Variants in SLIT3 observed in about 807,000 individuals in gnomAD.
SLIT3 encodes the protein slit guidance ligand 3.
SLIT3 carries 68 observed loss-of-function variants against 184.0 expected under a neutral mutation model. That is an observed-to-expected ratio of 0.37 (90% CI 0.30 to 0.45). SLIT3 has a LOEUF of 0.45. SLIT3 is among the 20% of genes least tolerant of loss of function. The probability of loss-of-function intolerance (pLI) is 1.00; values close to 1 mark genes in which losing one functional copy is unlikely to be tolerated. For missense variants in SLIT3, 1,707 were observed against 2,026.0 expected, an observed-to-expected ratio of 0.84 and a Z score of 3.02; for synonymous variants, 831 against 828.6, an observed-to-expected ratio of 1.00 and a Z score of -0.05.
intron 4 of SLIT3, among the ~76,000 whole-genome samples, chr5:168,923,876 C>A (rs952733819): frequency 1.3e-5 from 2 of 152,246 alleles, no homozygotes; most frequent in South Asian, 2.1e-4. Context: ...AAACTATGGC[C>A]TGTGGGCCAA....
At chr5:168,850,878 C>T (rs1758643542) in intron 5 of SLIT3, among the ~76,000 whole-genome samples, 1 of 152,206 alleles carries the variant, frequency 6.6e-6, no homozygotes, top group African/African-American at 2.4e-5. Context: ...AGAGGCACAC[C>T]AGACCTTGGA....
At chr5:168,981,987 G>A (rs184701459) in intron 4 of SLIT3, among the ~76,000 whole-genome samples, 146 of 152,230 alleles carry the variant, frequency 9.6e-4, no homozygotes, top group African/African-American at 3.0e-3. Context: ...GCAATGTGAC[G>A]TTGCTGCATT....
chr5:168,785,284 G>A (rs998079671), intron 12 of SLIT3, among the ~76,000 whole-genome samples: 1 of 152,174 alleles, frequency 6.6e-6, no homozygotes, highest in Non-Finnish European at 1.5e-5. Context: ...CCACATCAGA[G>A]TTCAATTATC....
intron 4 of SLIT3, among the ~76,000 whole-genome samples, chr5:169,180,410 AGAG>A (rs1336092390): frequency 1.3e-5 from 2 of 152,194 alleles, no homozygotes; most frequent in South Asian, 2.1e-4. Flanking sequence ...ACTGGGGAAA[AGAG>A]GAGATCTGAT....
chr5:169,001,865 CT>C lies in SLIT3; in HGVS notation c.414-118530del, dbSNP rs1175183667. ...GTGGTAATTAACCAAAGTCTCCCTC[CT>C]TTTTTTTTCCCCTTGACATACAGAA... On this transcript the variant is annotated intron_variant, in intron 4 of 35. Transcript: ENST00000519560. Among the ~76,000 whole-genome samples, 8 of 151,586 alleles carry C rather than the reference CT, an allele frequency of 5.3e-5. No homozygotes were observed. In the East Asian group the frequency reaches 5.8e-4, roughly 11 times the overall value.
chr5:169,169,188 C>T (rs1281944919), intron 4 of SLIT3, among the ~76,000 whole-genome samples: 4 of 152,166 alleles, frequency 2.6e-5, no homozygotes, highest in African/African-American at 7.2e-5. Context: ...GAATGTGCTC[C>T]GTTCCCTGTC....
chr5:168,997,063 C>A (rs1000267738), intron 4 of SLIT3, among the ~76,000 whole-genome samples: 1 of 152,142 alleles, frequency 6.6e-6, no homozygotes, highest in East Asian at 1.9e-4. Context: ...GATCAACCGC[C>A]TCATTGATCA....
At chr5:169,145,996 A>G (rs1761911112) in intron 4 of SLIT3, among the ~76,000 whole-genome samples, 1 of 152,186 alleles carries the variant, frequency 6.6e-6, no homozygotes, top group Non-Finnish European at 1.5e-5. Context: ...GGCTGCAGTG[A>G]GCCGAGATCG....
At chr5:169,052,585 G>A (rs191708547) in intron 4 of SLIT3, among the ~76,000 whole-genome samples, 1 of 152,302 alleles carries the variant, frequency 6.6e-6, no homozygotes, top group African/African-American at 2.4e-5. Context: ...GAGGGAAGGA[G>A]AATGTCAAAA....
At chr5:169,172,863 T>C (rs1217833849) in intron 4 of SLIT3, among the ~76,000 whole-genome samples, 5 of 152,052 alleles carry the variant, frequency 3.3e-5, no homozygotes, top group Non-Finnish European at 5.9e-5. Context: ...GGAGTTGGAG[T>C]ATGGCTGATG....
chr5:169,090,610 C>G (rs1364154916), intron 4 of SLIT3, among the ~76,000 whole-genome samples: 1 of 152,180 alleles, frequency 6.6e-6, no homozygotes, highest in Non-Finnish European at 1.5e-5. Flanking sequence ...CTGAATATTA[C>G]CTTATATGAC....
chr5:168,703,944 C>CAAAA lies in SLIT3; in HGVS notation c.2845-3269_2845-3266dup, dbSNP rs70976498. On this transcript the variant is annotated intron_variant, in intron 26 of 35. Transcript: ENST00000519560. ...TGGCAACGGAGTGAGACTCTGTCTC[C>CAAAA]AAAAAAAAAAAAAAAAAAAAAAAAA... Among the ~76,000 whole-genome samples, 3 of 46,836 alleles carry CAAAA rather than the reference C, an allele frequency of 6.4e-5. 1 individual carries two copies. In the East Asian group the frequency reaches 2.1e-3, roughly 33 times the overall value. 30.7% of individuals were successfully genotyped at this position (46,836 alleles called of 152,430 possible).
intron 3 of SLIT3, among the ~76,000 whole-genome samples, chr5:169,207,386 C>CAA (rs1581055371): frequency 6.7e-6 from 1 of 149,742 alleles, no homozygotes; most frequent in East Asian, 2.1e-4. Flanking sequence ...CACACACACA[C>CAA]ACACACACAC....
At chr5:168,712,565 A>C in intron 23 of SLIT3, 2 of 567,922 alleles carry the variant, frequency 3.5e-6, no homozygotes, top group Non-Finnish European at 6.3e-6. Context: ...GGTTTGCGGA[A>C]GAAGGGGGTG....
intron 4 of SLIT3, among the ~76,000 whole-genome samples, chr5:168,919,908 T>G (rs1176002686): frequency 6.6e-6 from 1 of 152,200 alleles, no homozygotes; most frequent in Non-Finnish European, 1.5e-5. Flanking sequence ...ACACTCAATT[T>G]GATATTATTC....
chr5:169,208,537 C>T (rs1357527363), intron 3 of SLIT3, among the ~76,000 whole-genome samples: 2 of 152,070 alleles, frequency 1.3e-5, no homozygotes, highest in East Asian at 1.9e-4. Flanking sequence ...TCAAACTACA[C>T]TAATAGGCTA....
intron 1 of SLIT3, among the ~76,000 whole-genome samples, chr5:169,277,617 T>C (rs142205024): frequency 2.8e-4 from 42 of 152,370 alleles, no homozygotes; most frequent in African/African-American, 9.6e-4. Context: ...TAATATTCCA[T>C]TGTATGTATA....
intron 4 of SLIT3, among the ~76,000 whole-genome samples, chr5:168,940,512 T>A (rs1398154274): frequency 1.3e-5 from 2 of 152,208 alleles, no homozygotes; most frequent in African/African-American, 4.8e-5. Flanking sequence ...TTATCTTTTT[T>A]TTTAAGTAAA....
In SLIT3 at chr5:169,230,879, C is replaced by T. The variant is rs114133487; in HGVS notation, c.341+13826G>A. ...ATGCATCTTAAAAAGTTTTCAGTCA[C>T]GAAAATGGTCAAACTTACAGAAAAG... On this transcript the variant is annotated intron_variant, in intron 3 of 35. Coordinates refer to ENST00000519560, the MANE Select transcript of SLIT3 (RefSeq NM_003062.4). Among the ~76,000 whole-genome samples the T allele has an allele frequency of 6.0e-3, 910 of 152,140 alleles. 7 individuals carry two copies. The highest frequency in any genetic ancestry group is 0.021 in the African/African-American group (863 of 41,484).
Sources: gnomAD v4.1 joint callset for allele counts (sites outside exome capture counted in the v4.1 genomes callset) on GRCh38, gnomAD v4.1.1 for gene constraint, MANE v1.5 for transcripts, NCBI Gene and HGNC (gene_info 2026-07-23, HGNC 2026-07-21) for gene names.